Variants in SVOPL observed in about 807,000 individuals in gnomAD.
SVOPL encodes the protein SVOP like, also known as putative transporter SVOPL.
In SVOPL, 60 loss-of-function variants were observed where a neutral mutation model predicts 61.0. That is an observed-to-expected ratio of 0.98 (90% CI 0.80 to 1.22). SVOPL has a LOEUF of 1.22. SVOPL is among the 50% of genes most tolerant of loss of function. The pLI, the probability that SVOPL is intolerant of heterozygous loss-of-function variation, is 0.00. For synonymous variants in SVOPL, 279 were observed against 250.0 expected (o/e 1.12, Z -1.09); for missense variants, 662 against 643.9 (o/e 1.03, Z -0.30).
At chr7:138,616,854 A>G (rs1799325063) in intron 14 of SVOPL, among the ~76,000 whole-genome samples, 1 of 152,212 alleles carries the variant, frequency 6.6e-6, no homozygotes, top group African/African-American at 2.4e-5. Context: ...TGGTGCAAAC[A>G]TAGCTCATCA....
At chr7:138,613,633 T>TA (rs1799152375) in intron 14 of SVOPL, among the ~76,000 whole-genome samples, 1 of 152,032 alleles carries the variant, frequency 6.6e-6, no homozygotes, top group Non-Finnish European at 1.5e-5. Context: ...GAGGACTACC[T>TA]AAAAAAGCCT....
chr7:138,599,147 A>AC (rs1284475548), intron 14 of SVOPL, among the ~76,000 whole-genome samples: 2 of 59,122 alleles, frequency 3.4e-5, no homozygotes, highest in Non-Finnish European at 6.4e-5. Context: ...TCTCCAAAAA[A>AC]AAAAAAAAAA....
intron 4 of SVOPL, among the ~76,000 whole-genome samples, chr7:138,669,508 A>G (rs1047010176): frequency 1.3e-5 from 2 of 152,182 alleles, no homozygotes; most frequent in African/African-American, 2.4e-5. Context: ...CCACCAGAAA[A>G]GAGAAGAGGC....
chr7:138,647,896 C>A (rs924427424), intron 8 of SVOPL, among the ~76,000 whole-genome samples: 1 of 150,462 alleles, frequency 6.6e-6, no homozygotes, highest in Non-Finnish European at 1.5e-5. Context: ...TAGCAGCTTT[C>A]TGGCAGAGAC....
chr7:138,684,809 A>T (rs899030324), intron 1 of SVOPL, among the ~76,000 whole-genome samples: 3 of 152,140 alleles, frequency 2.0e-5, no homozygotes, highest in African/African-American at 7.2e-5. Flanking sequence ...AGATATCTGC[A>T]CTCCCATGTT....
At chr7:138,630,594 G>A (rs138492000) in intron 9 of SVOPL, among the ~76,000 whole-genome samples, 1 of 152,142 alleles carries the variant, frequency 6.6e-6, no homozygotes, top group African/African-American at 2.4e-5. Flanking sequence ...CTCTAAGGGG[G>A]GTAGTTAGCA....
At chr7:138,689,022 T>C (rs1469689389) in intron 1 of SVOPL, 3 of 689,616 alleles carry the variant, frequency 4.4e-6, no homozygotes, top group Non-Finnish European at 8.2e-6. Context: ...CACAAAATCA[T>C]GCAAATCAAG....
intron 14 of SVOPL, among the ~76,000 whole-genome samples, chr7:138,616,115 C>T (rs893584296): frequency 6.6e-6 from 1 of 152,172 alleles, no homozygotes; most frequent in Non-Finnish European, 1.5e-5. Context: ...CATGTGGGTG[C>T]CCGATCTTGA....
intron 14 of SVOPL, among the ~76,000 whole-genome samples, chr7:138,611,568 T>C (rs981172331): frequency 6.6e-6 from 1 of 152,162 alleles, no homozygotes; most frequent in African/African-American, 2.4e-5. Flanking sequence ...CATTAACTTG[T>C]GAAGTTCTCT....
At chr7:138,623,905 TGCCCCCCAG>T (rs1038896595) in intron 13 of SVOPL, among the ~76,000 whole-genome samples, 7 of 152,132 alleles carry the variant, frequency 4.6e-5, no homozygotes, top group African/African-American at 1.7e-4. Flanking sequence ...CCGCAACCTT[TGCCCCCCAG>T]GTTCACACGA....
intron 14 of SVOPL, among the ~76,000 whole-genome samples, chr7:138,605,329 C>A (rs1319070438): frequency 1.3e-5 from 2 of 151,942 alleles, no homozygotes; most frequent in East Asian, 1.9e-4. Flanking sequence ...GGAACAGAGT[C>A]TAGAGAGAAA....
intron 14 of SVOPL, among the ~76,000 whole-genome samples, chr7:138,597,735 A>C (rs943922535): frequency 2.0e-5 from 3 of 152,034 alleles, no homozygotes; most frequent in Admixed American, 1.3e-4. Context: ...CAGGCAGTCT[A>C]AACTAAGATC....
intron 14 of SVOPL, among the ~76,000 whole-genome samples, chr7:138,620,067 A>G (rs1450389511): frequency 2.0e-5 from 3 of 149,252 alleles, no homozygotes; most frequent in Non-Finnish European, 4.4e-5. Flanking sequence ...TTTTTTTGCT[A>G]CAGCCAGGTC....
chr7:138,621,910 C>CTATG, intron 13 of SVOPL, among the ~76,000 whole-genome samples: 1 of 68,478 alleles, frequency 1.5e-5, no homozygotes, highest in South Asian at 4.5e-4. Flanking sequence ...ATCTATGTAT[C>CTATG]TATCTATGTA....
At chr7:138,638,242 T>G (rs1212135290) in intron 9 of SVOPL, among the ~76,000 whole-genome samples, 6 of 131,982 alleles carry the variant, frequency 4.5e-5, no homozygotes, top group Non-Finnish European at 9.1e-5. Flanking sequence ...CACTGTACTC[T>G]AGCCTGGGCA....
At position 138,615,560 on chromosome 7, in the gene SVOPL, C is replaced by CAAAAAAA. The variant is rs770404185; in HGVS notation, c.1353+5479_1353+5485dup. 5.8e-3 allele frequency among the ~76,000 whole-genome samples: 32 copies of CAAAAAAA among 5,540 alleles called. 6 individuals are homozygous for CAAAAAAA. The highest frequency in any genetic ancestry group is 7.3e-3 in the African/African-American group (22 of 3,014). The allele number at this position is 5,540 out of a possible 152,430, so 3.6% of individuals were successfully genotyped here. A position where few individuals can be genotyped will look rare whatever the true frequency, so the allele number is the denominator to read the frequency against. On this transcript the variant is annotated intron_variant, in intron 14 of 15. Transcript: ENST00000674285. ...GGGTGACAGAGCGAGACTCCGTCTCCAAAAAAAAAAAAAAAAAAAAAAAAA... is the reference window on the plus strand; with the variant it reads ...GGGTGACAGAGCGAGACTCCGTCTCCAAAAAAAAAAAAAAAAAAAAAAAAAAAAAAAA...
intron 14 of SVOPL, among the ~76,000 whole-genome samples, chr7:138,606,649 C>T (rs1449648314): frequency 6.6e-6 from 1 of 152,096 alleles, no homozygotes; most frequent in Non-Finnish European, 1.5e-5. Flanking sequence ...TTAGGCTGTT[C>T]CTCTGTTTAA....
At chr7:138,622,562 C>G (rs1362458770) in intron 13 of SVOPL, among the ~76,000 whole-genome samples, 1 of 152,222 alleles carries the variant, frequency 6.6e-6, no homozygotes, top group Non-Finnish European at 1.5e-5. Flanking sequence ...CTGCCTCAGC[C>G]TCCCAAAGTG....
intron 1 of SVOPL, among the ~76,000 whole-genome samples, chr7:138,700,965 A>T (rs1803182954): frequency 6.6e-6 from 1 of 152,106 alleles, no homozygotes; most frequent in East Asian, 1.9e-4. Flanking sequence ...TGTTATACTG[A>T]TTGTTTTTTA....
Sources: gnomAD v4.1 joint callset for allele counts (sites outside exome capture counted in the v4.1 genomes callset) on GRCh38, gnomAD v4.1.1 for gene constraint, MANE v1.5 for transcripts, NCBI Gene and HGNC (gene_info 2026-07-23, HGNC 2026-07-21) for gene names.